HMX1: variants seen among roughly 807,000 people sequenced by gnomAD.
The protein encoded by HMX1 is homeobox protein HMX1.
In HMX1, 8 loss-of-function variants were observed where a neutral mutation model predicts 8.9. That is an observed-to-expected ratio of 0.90 (90% CI 0.53 to 1.63). The LOEUF is 1.63. Among genes scored for constraint, HMX1 ranks in the 40% most tolerant of loss-of-function variants. The pLI, the probability that HMX1 is intolerant of heterozygous loss-of-function variation, is 0.00. For missense variants in HMX1, 621 were observed against 558.5 expected (o/e 1.11, Z -1.13); for synonymous variants, 311 against 283.4 (o/e 1.10, Z -0.98).
downstream of HMX1, among the ~76,000 whole-genome samples, chr4:8,865,151 C>A (rs570772692): frequency 6.6e-6 from 1 of 152,172 alleles, no homozygotes; most frequent in Non-Finnish European, 1.5e-5. Context: ...CTGACTGAAC[C>A]GCCTGTAAGG....
Position 8,868,090 on chromosome 4 carries a change from T to C in HMX1, c.650A>G (p.Gln217Arg). ...RTVFSRSQVFQLESTFDLKRY... is the reference protein window; with the variant it reads ...RTVFSRSQVFRLESTFDLKRY... ...CTTCAGGTCGAAGGTGGATTCCAGC[T>C]GGAAGACCTGGCTGCGGGAGAAGAC... The change falls in exon 2 of 2, where the codon CAG becomes CGG. Residue 217 changes from glutamine to arginine, a missense_variant. Coordinates refer to ENST00000400677, the MANE Select transcript of HMX1 (RefSeq NM_018942.3). The surrounding 1 kb of genome is among the most constrained non-coding windows in gnomAD (Gnocchi z 4.6). 1.3e-6 allele frequency: 2 copies of C among 1,520,810 alleles called. No individual in the cohort carries two copies. The highest frequency in any genetic ancestry group is 8.8e-7 in the Non-Finnish European group (1 of 1,136,500). The allele number at this position is 1,520,810 out of a possible 1,614,324, so 94.2% of individuals were successfully genotyped here. A position where few individuals can be genotyped will look rare whatever the true frequency, so the allele number is the denominator to read the frequency against.
chr4:8,856,315 T>C (rs1019939259), intron 1 of HMX1, among the ~76,000 whole-genome samples: 1 of 152,098 alleles, frequency 6.6e-6, no homozygotes, highest in Non-Finnish European at 1.5e-5. Context: ...TAGAGGCAGG[T>C]AGAAGCAGAA....
Position 8,867,161 on chromosome 4 carries a change from G to A in HMX1, c.*532C>T, listed in dbSNP as rs570236606. 6.1e-6 allele frequency: 6 copies of A among 985,326 alleles called. No individual in the cohort carries two copies. Among genetic ancestry groups the A allele is most frequent in the African/African-American group, 1.7e-5 (1 of 57,250 alleles). 61.0% of individuals were successfully genotyped at this position (985,326 alleles called of 1,614,324 possible). ...GCCCCAGCCTGCCTGCTCCTGGAAC[G>A]GACGATGGGACCCACAGGTCCAGGG... On this transcript the variant is annotated 3_prime_UTR_variant, in exon 2 of 2. Coordinates refer to ENST00000400677, the MANE Select transcript of HMX1 (RefSeq NM_018942.3).
chr4:8,851,860 T>C (rs1577192139), intron 1 of HMX1, among the ~76,000 whole-genome samples: 1 of 152,240 alleles, frequency 6.6e-6, no homozygotes, highest in South Asian at 2.1e-4. Context: ...GCCTGGGCAC[T>C]GTGGGGACAC....
At position 8,870,611 on chromosome 4, in the gene HMX1, T is replaced by G. The variant is rs988460676; in HGVS notation, c.394+610A>C. On this transcript the variant is annotated intron_variant, in intron 1 of 1. Coordinates refer to ENST00000400677, the MANE Select transcript of HMX1 (RefSeq NM_018942.3). This position sits in a 1 kb window ranked among gnomAD's most constrained non-coding sequence, Gnocchi z 4.4. The stretch of plus-strand genomic sequence containing the variant: ...AGCGGGCACAGAGGAAACAGGACTC[T>G]GGGGGGGCACAGCTGCCATGTTAGA... Among the ~76,000 whole-genome samples, 2 of 152,016 alleles carry G rather than the reference T, an allele frequency of 1.3e-5. No homozygotes were observed. The highest frequency in any genetic ancestry group is 2.4e-5 in the African/African-American group (1 of 41,408).
Position 8,867,079 on chromosome 4 carries a change from A to G in HMX1, c.*614T>C. 1 of 985,350 alleles carries G rather than the reference A, an allele frequency of 1.0e-6. No homozygotes were observed. The highest frequency in any genetic ancestry group is 1.2e-6 in the Non-Finnish European group (1 of 829,884). 61.0% of individuals were successfully genotyped at this position (985,350 alleles called of 1,614,324 possible). ...AAATGTCCCTTTTTATTCCATACGC[A>G]AATAAGTAGATTCATTTAAAAAAAC... is the stretch of plus-strand genomic sequence containing the variant. On this transcript the variant is annotated 3_prime_UTR_variant, in exon 2 of 2. Coordinates refer to ENST00000400677, the MANE Select transcript of HMX1 (RefSeq NM_018942.3).
chr4:8,851,675 G>A (rs1350599882), intron 1 of HMX1, among the ~76,000 whole-genome samples: 3 of 152,234 alleles, frequency 2.0e-5, no homozygotes, highest in Non-Finnish European at 4.4e-5. Context: ...TCTCAGGCAT[G>A]AATCTGCCAT....
At chr4:8,850,038 G>A (rs1223316372) in intron 1 of HMX1, among the ~76,000 whole-genome samples, 2 of 152,172 alleles carry the variant, frequency 1.3e-5, no homozygotes, top group East Asian at 1.9e-4. Context: ...GCCCACCCAT[G>A]TGCCGAAGAG....
intron 1 of HMX1, among the ~76,000 whole-genome samples, chr4:8,861,999 T>A (rs1221067883): frequency 1.3e-5 from 2 of 152,290 alleles, no homozygotes; most frequent in East Asian, 3.9e-4. Context: ...CAAGGACCCT[T>A]CAGCCCTTGT....
chr4:8,871,545 G>T lies in HMX1; in HGVS notation c.70C>A (p.Leu24Met). 2.2e-6 allele frequency: 3 copies of T among 1,366,166 alleles called. No individual in the cohort carries two copies. Among genetic ancestry groups the T allele is most frequent in the East Asian group, 3.2e-5 (1 of 30,994 alleles). 84.6% of individuals were successfully genotyped at this position (1,366,166 alleles called of 1,614,324 possible). ...ARASSFLIEN[L>M]LAAEAKGAGR... ...GCGCCCTTGGCCTCGGCCGCCAGCA[G>T]GTTCTCGATGAGGAAGGAGGAGGCG... The change falls in exon 1 of 2, where the codon CTG becomes ATG. Residue 24 changes from leucine (L) to methionine (M), a missense_variant. By Grantham distance (15) the Leu-to-Met change is conservative. Coordinates refer to ENST00000400677, the MANE Select transcript of HMX1 (RefSeq NM_018942.3). The surrounding 1 kb of genome is among the most constrained non-coding windows in gnomAD (Gnocchi z 4.8).
At position 8,868,406 on chromosome 4, in the gene HMX1, T is replaced by C; in HGVS notation, c.395-61A>G. ...GGCACTGATTACCAGACTCAATCAC[T>C]GAGGCCAGCCGTCCCCACCTTGAGG... On this transcript the variant is annotated intron_variant, in intron 1 of 1. Coordinates refer to ENST00000400677, the MANE Select transcript of HMX1 (RefSeq NM_018942.3). The surrounding 1 kb of genome is among the most constrained non-coding windows in gnomAD (Gnocchi z 4.6). 1 of 1,222,918 alleles carries C rather than the reference T, an allele frequency of 8.2e-7. No individual in the cohort carries two copies. The highest frequency in any genetic ancestry group is 1.0e-6 in the Non-Finnish European group (1 of 964,824). 75.8% of individuals were successfully genotyped at this position (1,222,918 alleles called of 1,614,324 possible).
intron 1 of HMX1, among the ~76,000 whole-genome samples, chr4:8,858,015 C>T (rs1416327330): frequency 6.6e-6 from 1 of 151,724 alleles, no homozygotes; most frequent in Admixed American, 6.6e-5. Context: ...GAAGTTGAAG[C>T]ATCAGCTAAG....
At chr4:8,861,032 G>C (rs1405499898) in intron 1 of HMX1, among the ~76,000 whole-genome samples, 1 of 151,916 alleles carries the variant, frequency 6.6e-6, no homozygotes, top group East Asian at 1.9e-4. Context: ...AGGGCCGCGA[G>C]CTGGGAAGGT....
chr4:8,856,906 T>C (rs1721624491), intron 1 of HMX1, among the ~76,000 whole-genome samples: 1 of 152,112 alleles, frequency 6.6e-6, no homozygotes, highest in South Asian at 2.1e-4. Flanking sequence ...CTGGGCAACA[T>C]ACAGCACCCC....
chr4:8,871,606 G>A lies in HMX1; in HGVS notation c.9C>T (p.Asp3=). MP[D]ELTEPGRATP... is the part of the protein sequence containing the mutation. The stretch of plus-strand genomic sequence containing the variant: ...TGGCGCGCCCGGGCTCCGTCAGCTC[G>A]TCAGGCATCGCGGCCGCGGGCTTCT... The change falls in exon 1 of 2, where the codon GAC becomes GAT. Residue 3 remains aspartate, a synonymous_variant. Coordinates refer to ENST00000400677, the MANE Select transcript of HMX1 (RefSeq NM_018942.3). The surrounding 1 kb of genome is among the most constrained non-coding windows in gnomAD (Gnocchi z 4.8). 3.1e-6 allele frequency: 4 copies of A among 1,303,338 alleles called. No individual in the cohort carries two copies. Among genetic ancestry groups the A allele is most frequent in the Non-Finnish European group, 3.9e-6 (4 of 1,025,782 alleles). The allele number at this position is 1,303,338 out of a possible 1,614,324, so 80.7% of individuals were successfully genotyped here.
At chr4:8,851,302 G>C (rs147340397) in intron 1 of HMX1, among the ~76,000 whole-genome samples, 121 of 152,316 alleles carry the variant, frequency 7.9e-4, no homozygotes, top group African/African-American at 2.9e-3. Flanking sequence ...CTTTCCCACA[G>C]GCTGTGCTCA....
In HMX1 at chr4:8,867,204, C is replaced by A. The variant is rs1722025975; in HGVS notation, c.*489G>T. 11 of 985,784 alleles carry A rather than the reference C, an allele frequency of 1.1e-5. No individual in the cohort carries two copies. Among genetic ancestry groups the A allele is most frequent in the Middle Eastern group, 1.0e-3 (2 of 1,918 alleles). The allele number at this position is 985,784 out of a possible 1,614,324, so 61.1% of individuals were successfully genotyped here. On this transcript the variant is annotated 3_prime_UTR_variant, in exon 2 of 2. Coordinates refer to ENST00000400677, the MANE Select transcript of HMX1 (RefSeq NM_018942.3). The stretch of plus-strand genomic sequence containing the variant: ...GTCCAGGGTCCTTTCTCCACCAGCA[C>A]CCGCGAGAGGGGTAGCACAGCCCTC...
In HMX1 at chr4:8,853,100, A is replaced by G. The variant is rs137959875; in HGVS notation, c.395-6776T>C. Among the ~76,000 whole-genome samples the G allele has an allele frequency of 4.2e-3, 639 of 152,162 alleles. 6 individuals carry two copies. Among genetic ancestry groups the G allele is most frequent in the African/African-American group, 0.015 (622 of 41,504 alleles). Reference sequence around the variant, plus strand: ...TGTCAGCAGCCAAACACAGATTCTGACTGGCCCAGTTTACAAGAGCCTCCT... The same window carrying G: ...TGTCAGCAGCCAAACACAGATTCTGGCTGGCCCAGTTTACAAGAGCCTCCT... On this transcript the variant is annotated intron_variant, in intron 1 of 1. Coordinates refer to the HMX1 transcript ENST00000506970. The surrounding 1 kb of genome is among the most constrained non-coding windows in gnomAD (Gnocchi z 4.7).
At position 8,868,256 on chromosome 4, in the gene HMX1, G is replaced by T. The variant is rs1356972733; in HGVS notation, c.484C>A (p.Arg162=). The part of the protein sequence containing the change: ...PRGPGPGAVQ[R]EAAELAARGP... ...CGCGCCGCCAGCTCCGCTGCCTCCC[G>T]CTGCACCGCTCCCGGCCCGGGGCCT... is the stretch of plus-strand genomic sequence containing the variant. The change falls in exon 2 of 2, where the codon CGG becomes AGG. Residue 162 remains arginine (R), a synonymous_variant. Coordinates refer to ENST00000400677, the MANE Select transcript of HMX1 (RefSeq NM_018942.3). The surrounding 1 kb of genome is among the most constrained non-coding windows in gnomAD (Gnocchi z 4.6). The T allele has an allele frequency of 4.1e-6, 6 of 1,446,676 alleles. No homozygotes were observed. The highest frequency in any genetic ancestry group is 4.5e-6 in the Non-Finnish European group (5 of 1,106,982). The allele number at this position is 1,446,676 out of a possible 1,614,324, so 89.6% of individuals were successfully genotyped here. A position where few individuals can be genotyped will look rare whatever the true frequency, so the allele number is the denominator to read the frequency against.
Sources: allele counts gnomAD v4.1 joint callset (sites outside exome capture counted in the v4.1 genomes callset), GRCh38; gene constraint gnomAD v4.1.1; non-coding constraint Gnocchi (gnomAD v3.1); transcripts MANE v1.5; gene names NCBI Gene and HGNC (gene_info 2026-07-23, HGNC 2026-07-21).